PHACTR4: variants seen among roughly 807,000 people sequenced by gnomAD.
The protein encoded by PHACTR4 is protein phosphatase 1, regulatory subunit 124.
PHACTR4 carries 51 observed loss-of-function variants against 72.7 expected under a neutral mutation model. That is an observed-to-expected ratio of 0.70 (90% CI 0.56 to 0.89). The LOEUF is 0.89. PHACTR4 is among the 40% of genes least tolerant of loss of function. PHACTR4 has a pLI of 0.00. For synonymous variants in PHACTR4, 255 were observed against 302.5 expected, an observed-to-expected ratio of 0.84 and a Z score of 1.63; for missense variants, 731 against 861.8, an observed-to-expected ratio of 0.85 and a Z score of 1.90.
chr1:28,483,424 A>ATT (rs1557846295), intron 9 of PHACTR4, among the ~76,000 whole-genome samples: 1 of 151,364 alleles, frequency 6.6e-6, no homozygotes, highest in Non-Finnish European at 1.5e-5. Flanking sequence ...ACTCCAGCCC[A>ATT]GTCATCAGAG....
chr1:28,372,340 G>A (rs1245802243), intron 1 of PHACTR4, among the ~76,000 whole-genome samples: 2 of 152,256 alleles, frequency 1.3e-5, no homozygotes, highest in South Asian at 2.1e-4. Flanking sequence ...TGCCCTAGCC[G>A]AGTAGGCAAA....
intron 2 of PHACTR4, among the ~76,000 whole-genome samples, chr1:28,418,039 C>T (rs1169428087): frequency 6.6e-6 from 1 of 151,632 alleles, no homozygotes; most frequent in African/African-American, 2.4e-5. Context: ...TTGGGAGGCT[C>T]AGGTGGGAGG....
At chr1:28,404,716 T>C (rs1388844492) in intron 1 of PHACTR4, among the ~76,000 whole-genome samples, 2 of 152,216 alleles carry the variant, frequency 1.3e-5, no homozygotes, top group Non-Finnish European at 2.9e-5. Flanking sequence ...CAGCAGTTTA[T>C]TGAGGCCCCA....
intron 1 of PHACTR4, among the ~76,000 whole-genome samples, chr1:28,378,322 T>C (rs1651859551): frequency 7.1e-6 from 1 of 141,356 alleles, no homozygotes; most frequent in Non-Finnish European, 1.5e-5. Flanking sequence ...GCTAACATGG[T>C]GAAACCCCGT....
In PHACTR4 at chr1:28,491,760, T is replaced by A; in HGVS notation, c.1989T>A (p.Pro663=). ...ATTATGACCGGCGAGCCGACAAACC[T>A]TGGACCAAACTGACCCCTGCTGACA... The part of the protein sequence containing the change: ...AQDYDRRADK[P]WTKLTPADKA... The change falls in exon 12 of 14, where the codon CCT becomes CCA. Residue 663 remains proline (P), a synonymous_variant. Coordinates refer to ENST00000373839, the MANE Select transcript of PHACTR4 (RefSeq NM_001048183.3). 1 of 1,614,124 alleles carries A rather than the reference T, an allele frequency of 6.2e-7. No homozygotes were observed. The highest frequency in any genetic ancestry group is 8.5e-7 in the Non-Finnish European group (1 of 1,180,006).
chr1:28,472,207 CA>C lies in PHACTR4; in HGVS notation c.824-1332del, dbSNP rs1346388139. 2.2e-3 allele frequency among the ~76,000 whole-genome samples: 256 copies of C among 117,574 alleles called. 1 individual carries two copies. Among genetic ancestry groups the C allele is most frequent in the Middle Eastern group, 4.7e-3 (1 of 214 alleles). The allele number at this position is 117,574 out of a possible 152,430, so 77.1% of individuals were successfully genotyped here. ...CAGCCTGGGCGACAAGACTCCGTCT[CA>C]AAAAAAAAAAAAAATTAGAGACAGT... On this transcript the variant is annotated intron_variant, in intron 6 of 13. Coordinates refer to ENST00000373839, the MANE Select transcript of PHACTR4 (RefSeq NM_001048183.3).
chr1:28,490,546 A>G (rs12075589), intron 10 of PHACTR4, among the ~76,000 whole-genome samples: 2 of 151,442 alleles, frequency 1.3e-5, no homozygotes, highest in South Asian at 4.2e-4. Context: ...AAAAAAAAGA[A>G]AAAAAAAGAA....
chr1:28,458,680 A>G (rs1340786954), intron 2 of PHACTR4, among the ~76,000 whole-genome samples: 1 of 152,192 alleles, frequency 6.6e-6, no homozygotes, highest in African/African-American at 2.4e-5. Flanking sequence ...ATATCCTGAA[A>G]AGGGCAGGGA....
intron 2 of PHACTR4, among the ~76,000 whole-genome samples, chr1:28,449,063 A>G (rs1378772443): frequency 6.6e-6 from 1 of 152,110 alleles, no homozygotes; most frequent in East Asian, 1.9e-4. Flanking sequence ...AGATTGCTTG[A>G]GCCCAGGAGT....
rs1448723690 is a variant in PHACTR4 at position 28,476,117 on chromosome 1, G to A, written c.1432G>A (p.Glu478Lys). 4.4e-6 allele frequency: 7 copies of A among 1,601,078 alleles called. No homozygotes were observed. The highest frequency in any genetic ancestry group is 5.1e-6 in the Non-Finnish European group (6 of 1,176,638). ...ATGTTAATTTGTTAGTCCAGACGAT[G>A]AAGAAGAAGAGGAGCAAACCTGTCC... is the stretch of plus-strand genomic sequence containing the variant. ...TIEMLKVPDD[E>K]EEEEQTCPST... The change falls in exon 8 of 14, where the codon GAA becomes AAA. Residue 478 changes from glutamate (E) to lysine (K), a missense_variant. This residue lies in a region of PHACTR4 where 621 missense variants were observed against 676.6 expected (regional missense o/e 0.92). Transcript: ENST00000373839.
At chr1:28,487,117 A>G (rs1275900720) in intron 9 of PHACTR4, among the ~76,000 whole-genome samples, 1 of 152,186 alleles carries the variant, frequency 6.6e-6, no homozygotes, top group Non-Finnish European at 1.5e-5. Flanking sequence ...CTGTAATCCC[A>G]GCACTTTGGG....
chr1:28,378,762 C>T (rs957070314), intron 1 of PHACTR4, among the ~76,000 whole-genome samples: 1 of 151,368 alleles, frequency 6.6e-6, no homozygotes, highest in Admixed American at 6.6e-5. Flanking sequence ...ATGAAGAAGT[C>T]TTAGGAGGAA....
At chr1:28,461,177 C>T (rs1174848269) in intron 4 of PHACTR4, among the ~76,000 whole-genome samples, 4 of 151,986 alleles carry the variant, frequency 2.6e-5, no homozygotes, top group African/African-American at 7.2e-5. Flanking sequence ...TGGTGGCTCA[C>T]GCCTGTAATC....
At chr1:28,421,214 C>T (rs535116090) in intron 2 of PHACTR4, among the ~76,000 whole-genome samples, 1 of 152,242 alleles carries the variant, frequency 6.6e-6, no homozygotes, top group South Asian at 2.1e-4. Context: ...TACAAGATTA[C>T]TGTTTGAAAC....
At chr1:28,392,204 C>T (rs1019932361) in intron 1 of PHACTR4, among the ~76,000 whole-genome samples, 7 of 152,030 alleles carry the variant, frequency 4.6e-5, no homozygotes, top group African/African-American at 1.4e-4. Context: ...TGCCGTCCTG[C>T]GTATGTCATG....
chr1:28,430,116 G>A (rs916029486), intron 2 of PHACTR4, among the ~76,000 whole-genome samples: 5 of 151,720 alleles, frequency 3.3e-5, no homozygotes, highest in African/African-American at 9.7e-5. Context: ...TCCGTCTCCC[G>A]GGTTCACGCC....
intron 4 of PHACTR4, among the ~76,000 whole-genome samples, chr1:28,462,651 C>G (rs201820384): frequency 1.3e-5 from 2 of 151,934 alleles, no homozygotes; most frequent in Middle Eastern, 6.8e-3. Flanking sequence ...TAGGCATGAG[C>G]CACCACGCCT....
At chr1:28,409,327 T>G (rs932594534) in intron 2 of PHACTR4, among the ~76,000 whole-genome samples, 1 of 152,090 alleles carries the variant, frequency 6.6e-6, no homozygotes, top group Non-Finnish European at 1.5e-5. Context: ...GCATTAATTA[T>G]GCATATTTCC....
At chr1:28,387,390 C>T (rs1283025273) in intron 1 of PHACTR4, among the ~76,000 whole-genome samples, 1 of 152,040 alleles carries the variant, frequency 6.6e-6, no homozygotes, top group Non-Finnish European at 1.5e-5. Context: ...TCCCTTCATT[C>T]ATGGATTAAT....
Sources: gnomAD v4.1 joint callset for allele counts (sites outside exome capture counted in the v4.1 genomes callset) on GRCh38, gnomAD v4.1.1 for gene constraint, gnomAD v4.1.1 regional missense constraint, MANE v1.5 for transcripts, NCBI Gene and HGNC (gene_info 2026-07-23, HGNC 2026-07-21) for gene names.